Variants in PAPPA observed in about 807,000 individuals in gnomAD.
PAPPA encodes pappalysin 1.
A neutral mutation model predicts 164.0 loss-of-function variants in PAPPA; 60 were observed. That is an observed-to-expected ratio of 0.37 (90% CI 0.30 to 0.45). PAPPA has a LOEUF of 0.45. PAPPA is among the 20% of genes least tolerant of loss of function. The probability of loss-of-function intolerance (pLI) is 1.00; values close to 1 mark genes in which losing one functional copy is unlikely to be tolerated. For missense variants in PAPPA, 1,782 were observed against 2,087.3 expected, an observed-to-expected ratio of 0.85 and a Z score of 2.85; for synonymous variants, 875 against 814.1, an observed-to-expected ratio of 1.07 and a Z score of -1.27.
intron 15 of PAPPA, among the ~76,000 whole-genome samples, chr9:116,351,189 T>C (rs1846277793): frequency 6.6e-6 from 1 of 152,232 alleles, no homozygotes; most frequent in African/African-American, 2.4e-5. Context: ...AACAGAGCTA[T>C]TTCTATCTTG....
At chr9:116,239,944 A>G (rs1354061150) in intron 7 of PAPPA, among the ~76,000 whole-genome samples, 1 of 152,172 alleles carries the variant, frequency 6.6e-6, no homozygotes, top group Non-Finnish European at 1.5e-5. Context: ...TTACACAGAC[A>G]GTTCTTTATG....
chr9:116,355,191 CT>C (rs1160938272), intron 17 of PAPPA, among the ~76,000 whole-genome samples: 3 of 1,112 alleles, frequency 2.7e-3, no homozygotes, highest in Non-Finnish European at 0.033. Flanking sequence ...CATCTGCACC[CT>C]TCCCTGTGCC....
intron 15 of PAPPA, among the ~76,000 whole-genome samples, chr9:116,349,515 T>A (rs1846254032): frequency 6.6e-6 from 1 of 152,206 alleles, no homozygotes. Flanking sequence ...ATTGAAGGTC[T>A]AGTATTTCTC....
At position 116,332,801 on chromosome 9, in the gene PAPPA, C is replaced by CTGAG. The variant is rs376761132; in HGVS notation, c.3397+334_3397+337dup. On this transcript the variant is annotated intron_variant, in intron 12 of 21. Transcript: ENST00000328252. ...ATTTCCCCGTTGTACATGTCACCAT[C>CTGAG]TGAGACCCAAAGAGAGGCACTGAGA... is the stretch of plus-strand genomic sequence containing the variant. The CTGAG allele has an allele frequency of 5.1e-4, 103 of 201,384 alleles. 1 individual carries two copies. Among genetic ancestry groups the CTGAG allele is most frequent in the African/African-American group, 2.1e-3 (91 of 43,894 alleles). The allele number at this position is 201,384 out of a possible 1,614,324, so 12.5% of individuals were successfully genotyped here.
chr9:116,174,396 C>A (rs1456588613), intron 1 of PAPPA, among the ~76,000 whole-genome samples: 4 of 152,132 alleles, frequency 2.6e-5, no homozygotes, highest in Non-Finnish European at 5.9e-5. Flanking sequence ...CAGAGCTCAG[C>A]CCACACTGTG....
rs117710435 is a variant in PAPPA, at chr9:116,322,913, C to G, written c.3148-8331C>G. ...CCTATTTTCTTCTATAAGGCTCATT[C>G]GCAGGTCCCTTTGGGTGGAAAAAGG... is the stretch of plus-strand genomic sequence containing the variant. On this transcript the variant is annotated intron_variant, in intron 10 of 21. Coordinates refer to ENST00000328252, the MANE Select transcript of PAPPA (RefSeq NM_002581.5). Among the ~76,000 whole-genome samples, 1,487 of 152,218 alleles carry G rather than the reference C, an allele frequency of 9.8e-3. 19 individuals are homozygous for G. The highest frequency in any genetic ancestry group is 0.043 in the South Asian group (208 of 4,824).
chr9:116,391,656 G>A (rs554258373), intron 21 of PAPPA, among the ~76,000 whole-genome samples: 4 of 152,342 alleles, frequency 2.6e-5, no homozygotes, highest in South Asian at 2.1e-4. Context: ...CCCATGTGCC[G>A]GAGCACCATC....
At chr9:116,230,818 T>G (rs979152360) in intron 6 of PAPPA, among the ~76,000 whole-genome samples, 10 of 152,192 alleles carry the variant, frequency 6.6e-5, no homozygotes, top group Non-Finnish European at 1.3e-4. Flanking sequence ...CTGTAGCCTA[T>G]AAATTAGATA....
At chr9:116,244,539 A>G (rs572801450) in intron 7 of PAPPA, among the ~76,000 whole-genome samples, 1 of 152,196 alleles carries the variant, frequency 6.6e-6, no homozygotes, top group Non-Finnish European at 1.5e-5. Context: ...TATAATTACA[A>G]ACTGAAGAGT....
At chr9:116,228,466 G>C (rs1015454782) in intron 6 of PAPPA, among the ~76,000 whole-genome samples, 1 of 152,042 alleles carries the variant, frequency 6.6e-6, no homozygotes, top group Non-Finnish European at 1.5e-5. Flanking sequence ...GAACTCCTCC[G>C]CTATCCTCTA....
chr9:116,312,288 C>CTTTTTTTTTTT (rs5900201), intron 10 of PAPPA, among the ~76,000 whole-genome samples: 111 of 129,550 alleles, frequency 8.6e-4, no homozygotes, highest in Admixed American at 1.0e-3. Context: ...TTCTTTCTTT[C>CTTTTTTTTTTT]TTTTTTTTTT....
intron 7 of PAPPA, among the ~76,000 whole-genome samples, chr9:116,243,527 G>A (rs1844760479): frequency 6.6e-6 from 1 of 152,118 alleles, no homozygotes; most frequent in African/African-American, 2.4e-5. Flanking sequence ...GTTAATAGAT[G>A]CTAAAGCCAA....
intron 1 of PAPPA, among the ~76,000 whole-genome samples, chr9:116,184,534 C>T (rs1448276949): frequency 6.6e-6 from 1 of 152,126 alleles, no homozygotes; most frequent in Non-Finnish European, 1.5e-5. Context: ...TAACAATGAA[C>T]TCTCATTTGG....
Position 116,401,808 on chromosome 9 carries a change from C to A in PAPPA, c.*5192C>A, listed in dbSNP as rs1847060620. 1 of 148,770 alleles carries A rather than the reference C, an allele frequency of 6.7e-6. No homozygotes were observed. Among genetic ancestry groups the A allele is most frequent in the South Asian group, 2.1e-4 (1 of 4,736 alleles). The allele number at this position is 148,770 out of a possible 1,614,324, so 9.2% of individuals were successfully genotyped here. ...AAAAAAATGACACTCCATTGAAGTG[C>A]TTAAAAGCTGTTCTCATAAGAATTC... is the stretch of plus-strand genomic sequence containing the variant. On this transcript the variant is annotated 3_prime_UTR_variant, in exon 22 of 22. Coordinates refer to ENST00000328252, the MANE Select transcript of PAPPA (RefSeq NM_002581.5).
At chr9:116,327,391 C>T (rs556699785) in intron 10 of PAPPA, among the ~76,000 whole-genome samples, 10 of 152,110 alleles carry the variant, frequency 6.6e-5, no homozygotes, top group South Asian at 2.1e-4. Flanking sequence ...GGAATGTCAC[C>T]GGAGCCAGTG....
intron 2 of PAPPA, among the ~76,000 whole-genome samples, chr9:116,194,612 A>T (rs1171899779): frequency 6.6e-6 from 1 of 152,156 alleles, no homozygotes; most frequent in East Asian, 1.9e-4. Context: ...GCTCAGTAAG[A>T]GCCGCTGGTT....
chr9:116,377,206 ATG>A (rs1554756500), intron 19 of PAPPA, among the ~76,000 whole-genome samples: 4 of 146,270 alleles, frequency 2.7e-5, no homozygotes, highest in South Asian at 2.3e-4. Context: ...AAACACACAC[ATG>A]CGCACACACA....
intron 20 of PAPPA, among the ~76,000 whole-genome samples, chr9:116,381,786 C>T (rs1846734860): frequency 6.6e-6 from 1 of 152,134 alleles, no homozygotes; most frequent in South Asian, 2.1e-4. Flanking sequence ...CAATACCTAC[C>T]TCACTTATTG....
intron 9 of PAPPA, among the ~76,000 whole-genome samples, chr9:116,298,653 G>A (rs868275708): frequency 7.9e-5 from 12 of 152,122 alleles, no homozygotes; most frequent in South Asian, 4.1e-4. Flanking sequence ...TATATACATC[G>A]GGGATGCCAG....
Sources: gnomAD v4.1 joint callset for allele counts (sites outside exome capture counted in the v4.1 genomes callset) on GRCh38, gnomAD v4.1.1 for gene constraint, MANE v1.5 for transcripts, NCBI Gene and HGNC (gene_info 2026-07-23, HGNC 2026-07-21) for gene names.